Variants in CFAP70 observed in about 807,000 individuals in gnomAD.
CFAP70 encodes the protein cilia and flagella associated protein 70.
A neutral mutation model predicts 137.6 loss-of-function variants in CFAP70; 81 were observed. That is an observed-to-expected ratio of 0.59 (90% CI 0.49 to 0.71). The LOEUF (loss-of-function observed/expected upper bound fraction) is 0.71. CFAP70 is among the 30% of genes least tolerant of loss of function. The pLI is 0.00. For missense variants in CFAP70, 976 were observed against 1,226.7 expected (o/e 0.80, Z 3.05); for synonymous variants, 382 against 423.6 (o/e 0.90, Z 1.20).
chr10:73,256,516 C>T, intron 25 of CFAP70, 100 bp from the exon 27 acceptor site: 1 of 1,205,478 alleles, frequency 8.3e-7, no homozygotes, highest in South Asian at 1.3e-5. Flanking sequence ...ACACCTAAGG[C>T]AGAGGCTTCT....
chr10:73,326,245 G>C (rs867703628), intron 8 of CFAP70, among the ~76,000 whole-genome samples: 2 of 150,098 alleles, frequency 1.3e-5, no homozygotes, highest in African/African-American at 4.9e-5. Context: ...TATTGGGTAC[G>C]TAACAAAATG....
At chr10:73,305,177 T>C (rs1276218931) in intron 12 of CFAP70, among the ~76,000 whole-genome samples, 1 of 152,224 alleles carries the variant, frequency 6.6e-6, no homozygotes, top group East Asian at 1.9e-4. Flanking sequence ...TGCAAGGCAC[T>C]CATCTCTGTT....
intron 9 of CFAP70, among the ~76,000 whole-genome samples, chr10:73,322,647 G>A (rs1342378955): frequency 6.8e-6 from 1 of 146,942 alleles, no homozygotes; most frequent in African/African-American, 2.5e-5. Flanking sequence ...ATTTTAGTCT[G>A]TGCTGTTGCA....
chr10:73,354,157 A>AC (rs1169065107), intron 2 of CFAP70, among the ~76,000 whole-genome samples: 1 of 152,226 alleles, frequency 6.6e-6, no homozygotes, highest in Non-Finnish European at 1.5e-5. Flanking sequence ...TCTTACTGTA[A>AC]CATGCAAGCA....
chr10:73,331,322 G>C (rs767546811), intron 7 of CFAP70, 46 bp from the exon 9 acceptor site: 1 of 1,481,662 alleles, frequency 6.7e-7, no homozygotes, highest in East Asian at 2.3e-5. Context: ...CAAAAATAAA[G>C]TCAGTATAAT....
intron 24 of CFAP70, among the ~76,000 whole-genome samples, chr10:73,271,699 T>C (rs111660162): frequency 2.6e-5 from 4 of 152,158 alleles, no homozygotes; most frequent in African/African-American, 9.7e-5. Context: ...TATCTATTTG[T>C]CTATTTATTT....
intron 13 of CFAP70, 128 bp downstream of exon 14, chr10:73,299,477 G>GA: frequency 1.4e-6 from 1 of 731,894 alleles, no homozygotes; most frequent in Non-Finnish European, 2.3e-6. Context: ...AACCAGCAAT[G>GA]AAAATACGTA....
At chr10:73,334,202 T>C (rs111888168) in intron 7 of CFAP70, among the ~76,000 whole-genome samples, 2 of 152,234 alleles carry the variant, frequency 1.3e-5, no homozygotes, top group African/African-American at 4.8e-5. Flanking sequence ...ACCTACACAA[T>C]ATCAGTGTAC....
intron 8 of CFAP70, among the ~76,000 whole-genome samples, chr10:73,324,821 A>T (rs1465129482): frequency 6.6e-6 from 1 of 152,218 alleles, no homozygotes; most frequent in East Asian, 1.9e-4. Flanking sequence ...AGCCTCCAAG[A>T]AATATGGGAC....
intron 19 of CFAP70, among the ~76,000 whole-genome samples, chr10:73,289,477 G>A (rs894294316): frequency 6.6e-6 from 1 of 151,626 alleles, no homozygotes; most frequent in Admixed American, 6.6e-5. Flanking sequence ...GTAGAGACAG[G>A]GTTTCACCAT....
At chr10:73,289,747 T>C (rs1380811117) in intron 19 of CFAP70, among the ~76,000 whole-genome samples, 2 of 151,962 alleles carry the variant, frequency 1.3e-5, no homozygotes, top group East Asian at 1.9e-4. Context: ...ACAAAATCCA[T>C]ATTAAAAATA....
intron 19 of CFAP70, among the ~76,000 whole-genome samples, chr10:73,289,294 AT>A (rs201639300): frequency 7.3e-5 from 11 of 150,950 alleles, no homozygotes; most frequent in Admixed American, 2.6e-4. Flanking sequence ...TATTATTATT[AT>A]TTTTTTTTGA....
In CFAP70 at chr10:73,281,848, G is replaced by A. The variant is rs140922627; in HGVS notation, c.2240-3511C>T. Among the ~76,000 whole-genome samples, 73 of 152,272 alleles carry A rather than the reference G, an allele frequency of 4.8e-4. 1 individual carries two copies. The highest frequency in any genetic ancestry group is 1.5e-3 in the African/African-American group (62 of 41,556). ...AAAATCATGTCTTTTGCAGCAACAC[G>A]GATGCAGCTGGAGGCCATTATCCTA... On this transcript the variant is annotated intron_variant, in intron 19 of 26. Coordinates refer to ENST00000310715, the Ensembl canonical transcript of CFAP70.
chr10:73,285,088 CTG>C (rs1247928416), intron 19 of CFAP70, among the ~76,000 whole-genome samples: 1 of 151,584 alleles, frequency 6.6e-6, no homozygotes, highest in Admixed American at 6.6e-5. Flanking sequence ...ATATAAGAAA[CTG>C]AGACAAATTA....
intron 25 of CFAP70, among the ~76,000 whole-genome samples, chr10:73,263,912 T>C (rs1478619521): frequency 6.6e-6 from 1 of 152,226 alleles, no homozygotes; most frequent in Non-Finnish European, 1.5e-5. Context: ...CATTTAGCAG[T>C]TGGCCTTTGA....
At chr10:73,270,460 CCTTTTCTTTTCT>C (rs2046178211) in intron 24 of CFAP70, among the ~76,000 whole-genome samples, 1 of 103,652 alleles carries the variant, frequency 9.6e-6, no homozygotes, top group Non-Finnish European at 2.0e-5. Context: ...CCCCAGCCAC[CCTTTTCTTTTCT>C]CTTTTCTTTT....
At chr10:73,271,876 T>C (rs1182186958) in intron 24 of CFAP70, among the ~76,000 whole-genome samples, 2 of 152,116 alleles carry the variant, frequency 1.3e-5, no homozygotes, top group African/African-American at 4.8e-5. Flanking sequence ...ATTTTTAATG[T>C]TTTTGTAGAG....
At chr10:73,269,552 CT>C in intron 25 of CFAP70, 61 bp downstream of exon 26, 1 of 1,187,754 alleles carries the variant, frequency 8.4e-7, no homozygotes, top group Non-Finnish European at 1.2e-6. Context: ...CTGCCCCTTG[CT>C]TACTTGACCC....
chr10:73,315,076 G>A (rs1325251127), intron 9 of CFAP70, among the ~76,000 whole-genome samples: 1 of 151,930 alleles, frequency 6.6e-6, no homozygotes, highest in Non-Finnish European at 1.5e-5. Flanking sequence ...TTAATTAGCT[G>A]GATGTGGTGG....
Sources: gnomAD v4.1 joint callset for allele counts (sites outside exome capture counted in the v4.1 genomes callset) on GRCh38, gnomAD v4.1.1 for gene constraint, MANE v1.5 for transcripts, NCBI Gene and HGNC (gene_info 2026-07-23, HGNC 2026-07-21) for gene names.